The following PRKCA variants were observed in gnomAD, a reference collection of about 807,000 sequenced individuals.
PRKCA encodes the protein protein kinase C alpha type.
A neutral mutation model predicts 87.0 loss-of-function variants in PRKCA; 27 were observed. The observed-to-expected ratio is 0.31, with a 90% CI of 0.23 to 0.43. The LOEUF is 0.43. Ranked by LOEUF, PRKCA falls within the 20% of genes least tolerant of loss-of-function variation. PRKCA has a pLI of 1.00. For missense variants in PRKCA, 518 were observed against 852.3 expected, an observed-to-expected ratio of 0.61 and a Z score of 4.88; for synonymous variants, 329 against 311.1, an observed-to-expected ratio of 1.06 and a Z score of -0.61.
chr17:66,466,435 C>G (rs374618923), intron 2 of PRKCA, among the ~76,000 whole-genome samples: 44 of 152,316 alleles, frequency 2.9e-4, no homozygotes, highest in Middle Eastern at 3.4e-3. Context: ...TTTCTGGGAA[C>G]TTGCTTGTGG....
chr17:66,404,218 C>G (rs79138237), intron 2 of PRKCA: 2 of 152,208 alleles, frequency 1.3e-5, no homozygotes, highest in African/African-American at 4.8e-5. Context: ...GTATCCTGTG[C>G]AGGACCTCGT....
At chr17:66,532,130 C>T (rs1257484407) in intron 3 of PRKCA, among the ~76,000 whole-genome samples, 2 of 150,938 alleles carry the variant, frequency 1.3e-5, no homozygotes, top group East Asian at 2.0e-4. Flanking sequence ...TTTCTTACTC[C>T]CAAGTGACTC....
rs970033171 is a variant in PRKCA at position 66,807,907 on chromosome 17, G to A, written c.*3870G>A. The A allele has an allele frequency of 1.3e-5, 2 of 152,358 alleles. No homozygotes were observed. The highest frequency in any genetic ancestry group is 2.4e-5 in the African/African-American group (1 of 41,446). The allele number at this position is 152,358 out of a possible 1,614,324, so 9.4% of individuals were successfully genotyped here. A position where few individuals can be genotyped will look rare whatever the true frequency, so the allele number is the denominator to read the frequency against. On this transcript the variant is annotated 3_prime_UTR_variant, in exon 17 of 17. Transcript: ENST00000413366. This position sits in a 1 kb window ranked among gnomAD's most constrained non-coding sequence, Gnocchi z 4.3. ...AGAAATATGCCTGCAGTAGGAGGGA[G>A]AGGAAGGGGTGCCACCGTCAACGGC...
chr17:66,558,210 C>G (rs1483214215), intron 3 of PRKCA, among the ~76,000 whole-genome samples: 1 of 152,242 alleles, frequency 6.6e-6, no homozygotes, highest in Non-Finnish European at 1.5e-5. Context: ...TTATTTATGG[C>G]TACGTGCTAG....
At chr17:66,316,643 G>A (rs575078170) in intron 2 of PRKCA, among the ~76,000 whole-genome samples, 6 of 152,194 alleles carry the variant, frequency 3.9e-5, no homozygotes, top group African/African-American at 1.4e-4. Context: ...GACACCCCTG[G>A]TTTAAAAAGT....
intron 3 of PRKCA, among the ~76,000 whole-genome samples, chr17:66,621,409 AT>A (rs1970677346): frequency 6.6e-6 from 1 of 152,146 alleles, no homozygotes; most frequent in African/African-American, 2.4e-5. Flanking sequence ...ATTTCCTCGT[AT>A]TCTTTGTGTT....
intron 2 of PRKCA, among the ~76,000 whole-genome samples, chr17:66,347,880 C>T (rs916489227): frequency 8.1e-5 from 12 of 148,842 alleles, no homozygotes; most frequent in Non-Finnish European, 1.5e-4. Context: ...CAAGACAGCC[C>T]TCATCCCTGG....
At chr17:66,305,606 G>A (rs1904774499) in intron 1 of PRKCA, among the ~76,000 whole-genome samples, 1 of 152,172 alleles carries the variant, frequency 6.6e-6, no homozygotes, top group African/African-American at 2.4e-5. Flanking sequence ...AACATTAAAT[G>A]TTAAAAGTGA....
intron 2 of PRKCA, among the ~76,000 whole-genome samples, chr17:66,366,754 T>G (rs1447739102): frequency 6.6e-6 from 1 of 152,178 alleles, no homozygotes; most frequent in Non-Finnish European, 1.5e-5. Flanking sequence ...ATGAGACATT[T>G]TTACTCCAGT....
chr17:66,455,728 C>A (rs905603489), intron 2 of PRKCA, among the ~76,000 whole-genome samples: 1 of 152,172 alleles, frequency 6.6e-6, no homozygotes, highest in Non-Finnish European at 1.5e-5. Flanking sequence ...GAAGAAACTT[C>A]AGTGCCTGCC....
intron 2 of PRKCA, among the ~76,000 whole-genome samples, chr17:66,377,721 A>ATATATATTTTT (rs1350881561): frequency 1.4e-5 from 1 of 69,150 alleles, no homozygotes; most frequent in Non-Finnish European, 2.5e-5. Flanking sequence ...ATATATATAT[A>ATATATATTTTT]TTTTTTTTTT....
chr17:66,340,711 A>T (rs567801635), intron 2 of PRKCA, among the ~76,000 whole-genome samples: 1 of 152,314 alleles, frequency 6.6e-6, no homozygotes, highest in African/African-American at 2.4e-5. Flanking sequence ...TAAGCAAGCA[A>T]TGCTTCTCTG....
chr17:66,755,071 C>T (rs770971935), intron 13 of PRKCA, among the ~76,000 whole-genome samples: 1 of 152,128 alleles, frequency 6.6e-6, no homozygotes, highest in East Asian at 1.9e-4. Context: ...GTCACCTTCC[C>T]GATTTCTGCC....
intron 2 of PRKCA, among the ~76,000 whole-genome samples, chr17:66,428,124 C>A (rs1339170663): frequency 6.6e-6 from 1 of 152,030 alleles, no homozygotes; most frequent in Non-Finnish European, 1.5e-5. Context: ...AGTAATTGCC[C>A]GACTCACGTG....
chr17:66,762,324 A>C (rs1316346154), intron 13 of PRKCA, among the ~76,000 whole-genome samples: 1 of 152,202 alleles, frequency 6.6e-6, no homozygotes. Flanking sequence ...ATGTATACTC[A>C]GCTGCAGTAA....
intron 5 of PRKCA, among the ~76,000 whole-genome samples, chr17:66,686,267 TA>T (rs1404633757): frequency 6.6e-6 from 1 of 152,204 alleles, no homozygotes; most frequent in Non-Finnish European, 1.5e-5. Context: ...CCTTTCCTTC[TA>T]ATTATTTTTG....
At chr17:66,771,985 G>C (rs1483645651) in intron 13 of PRKCA, among the ~76,000 whole-genome samples, 2 of 152,156 alleles carry the variant, frequency 1.3e-5, no homozygotes. Flanking sequence ...AGCACAAAAA[G>C]ATTATTTTTA....
chr17:66,595,347 T>G (rs898084828), intron 3 of PRKCA, among the ~76,000 whole-genome samples: 1 of 152,132 alleles, frequency 6.6e-6, no homozygotes, highest in Non-Finnish European at 1.5e-5. Flanking sequence ...CTCACTTTTC[T>G]TTCGCAAGTA....
At chr17:66,757,609 C>A (rs1242446365) in intron 13 of PRKCA, among the ~76,000 whole-genome samples, 3 of 148,474 alleles carry the variant, frequency 2.0e-5, no homozygotes, top group East Asian at 1.9e-4. Context: ...GAATTGTGTA[C>A]CCTGCAAAAT....
Sources: gnomAD v4.1 joint callset for allele counts (sites outside exome capture counted in the v4.1 genomes callset) on GRCh38, gnomAD v4.1.1 for gene constraint, Gnocchi (gnomAD v3.1) non-coding constraint, MANE v1.5 for transcripts, NCBI Gene and HGNC (gene_info 2026-07-23, HGNC 2026-07-21) for gene names.